The following SLX9 variants were observed in gnomAD, a reference collection of about 807,000 sequenced individuals.
The protein encoded by SLX9 is ribosome biogenesis protein SLX9 homolog.
A neutral mutation model predicts 20.8 loss-of-function variants in SLX9; 19 were observed. The observed-to-expected ratio is 0.91, with a 90% CI of 0.64 to 1.34. The LOEUF is 1.34. Ranked by LOEUF, SLX9 falls within the 40% of genes most tolerant of loss-of-function variation. The probability of loss-of-function intolerance (pLI) is 0.00; values close to 1 mark genes in which losing one functional copy is unlikely to be tolerated. For synonymous variants in SLX9, 113 were observed against 137.1 expected (o/e 0.82, Z 1.23); for missense variants, 299 against 322.2 (o/e 0.93, Z 0.55).
chr21:44,968,100 C>T (rs1008586212), intron 4 of SLX9, among the ~76,000 whole-genome samples: 1 of 152,008 alleles, frequency 6.6e-6, no homozygotes, highest in Non-Finnish European at 1.5e-5. Flanking sequence ...GGCCCCTCCA[C>T]CCCCCTGCCC....
chr21:44,966,705 G>C (rs2085041903), intron 3 of SLX9, among the ~76,000 whole-genome samples: 1 of 152,142 alleles, frequency 6.6e-6, no homozygotes, highest in African/African-American at 2.4e-5. Flanking sequence ...ATTCCCCTCT[G>C]TCCCCTCTGC....
chr21:44,948,108 G>T (rs1215495482), intron 2 of SLX9, among the ~76,000 whole-genome samples: 1 of 152,264 alleles, frequency 6.6e-6, no homozygotes, highest in African/African-American at 2.4e-5. Context: ...TGATCCTCCA[G>T]CCTTGGGCAC....
At position 44,948,300 on chromosome 21, in the gene SLX9, G is replaced by T. The variant is rs1208895667; in HGVS notation, c.283+4463G>T. ...CCGGGGAGCTGGTCGTGGAGCATCGGGCGGTCCGGGGAGCTGGTCGTGGAG... is the reference window on the plus strand; with the variant it reads ...CCGGGGAGCTGGTCGTGGAGCATCGTGCGGTCCGGGGAGCTGGTCGTGGAG... On this transcript the variant is annotated intron_variant, in intron 2 of 5. Coordinates refer to ENST00000291634, the MANE Select transcript of SLX9 (RefSeq NM_058190.4). Among the ~76,000 whole-genome samples the T allele has an allele frequency of 3.4e-5, 5 of 147,366 alleles. No individual in the cohort carries two copies. In the East Asian group the frequency reaches 7.9e-4, roughly 23 times the overall value.
At position 44,952,324 on chromosome 21, in the gene SLX9, C is replaced by T. The variant is rs184006697; in HGVS notation, c.284-7776C>T. 3.3e-3 allele frequency among the ~76,000 whole-genome samples: 509 copies of T among 152,380 alleles called. 2 individuals are homozygous for T. Among genetic ancestry groups the T allele is most frequent in the Middle Eastern group, 0.01 (3 of 294 alleles). ...CTTTTTCTATTTGCCAGACAGCAATCGGCAGCTTCCCTGGCCACTCAGGGA... is the reference window on the plus strand; with the variant it reads ...CTTTTTCTATTTGCCAGACAGCAATTGGCAGCTTCCCTGGCCACTCAGGGA... On this transcript the variant is annotated intron_variant, in intron 2 of 5. Transcript: ENST00000291634.
At chr21:44,949,313 C>T (rs1466570268) in intron 2 of SLX9, among the ~76,000 whole-genome samples, 1 of 152,090 alleles carries the variant, frequency 6.6e-6, no homozygotes, top group African/African-American at 2.4e-5. Context: ...GGGCCCTGGG[C>T]CCTGGGCCCG....
Position 44,958,931 on chromosome 21 carries a change from C to T in SLX9, c.284-1169C>T, listed in dbSNP as rs1330201135. On this transcript the variant is annotated intron_variant, in intron 2 of 5. Transcript: ENST00000291634. Reference sequence around the variant, plus strand: ...TTCCAACACAACACAGGTCACTGTTCGGGTCAGTTTCCACTGGTCTTAGAT... The same window carrying T: ...TTCCAACACAACACAGGTCACTGTTTGGGTCAGTTTCCACTGGTCTTAGAT... Among the ~76,000 whole-genome samples, 5 of 152,234 alleles carry T rather than the reference C, an allele frequency of 3.3e-5. No homozygotes were observed. The East Asian group carries it at 7.7e-4, about 23-fold the overall frequency.
At chr21:44,976,169 G>A (rs1041311748) in intron 5 of SLX9, among the ~76,000 whole-genome samples, 4 of 152,238 alleles carry the variant, frequency 2.6e-5, no homozygotes, top group Non-Finnish European at 5.9e-5. Flanking sequence ...CTGAGTGGCC[G>A]CCGGGCTGGG....
intron 3 of SLX9, among the ~76,000 whole-genome samples, chr21:44,965,536 T>C (rs2085018776): frequency 6.6e-6 from 1 of 152,202 alleles, no homozygotes; most frequent in Non-Finnish European, 1.5e-5. Context: ...GTGGTTTCAT[T>C]GTAATTTTTC....
chr21:44,967,962 A>G (rs1190220664), intron 4 of SLX9, among the ~76,000 whole-genome samples: 3 of 151,474 alleles, frequency 2.0e-5, no homozygotes, highest in African/African-American at 7.3e-5. Flanking sequence ...CCCCTGCCCC[A>G]CCCTTGGCTG....
chr21:44,948,534 C>CTCTGTTT (rs2084692605), intron 2 of SLX9, among the ~76,000 whole-genome samples: 1 of 152,204 alleles, frequency 6.6e-6, no homozygotes, highest in Admixed American at 6.5e-5. Flanking sequence ...GGGACTCAAG[C>CTCTGTTT]TCAGAGACAC....
intron 2 of SLX9, among the ~76,000 whole-genome samples, chr21:44,948,088 C>G (rs1486830238): frequency 2.0e-5 from 3 of 152,266 alleles, no homozygotes; most frequent in Admixed American, 6.5e-5. Context: ...GCCGGGTGTC[C>G]AGTGGTGGCT....
chr21:44,949,670 T>C (rs1415350391), intron 2 of SLX9, among the ~76,000 whole-genome samples: 1 of 152,192 alleles, frequency 6.6e-6, no homozygotes, highest in Non-Finnish European at 1.5e-5. Context: ...GTGTACGACC[T>C]GCTGCTGCTG....
At chr21:44,953,965 T>C (rs2084808192) in intron 2 of SLX9, among the ~76,000 whole-genome samples, 1 of 152,220 alleles carries the variant, frequency 6.6e-6, no homozygotes, top group Non-Finnish European at 1.5e-5. Context: ...TGGTTCTGTC[T>C]CTTGCTTCTC....
At chr21:44,970,430 C>T (rs748543074) in intron 4 of SLX9, among the ~76,000 whole-genome samples, 2 of 152,138 alleles carry the variant, frequency 1.3e-5, no homozygotes, top group African/African-American at 4.8e-5. Context: ...TTCCCACTGC[C>T]GAGCACCAAC....
rs754507363 is a variant in SLX9, at chr21:44,960,144, C to A, written c.328C>A (p.Leu110Met). 4.3e-6 allele frequency: 7 copies of A among 1,614,122 alleles called. No homozygotes were observed. The Admixed American group carries it at 1.2e-4, about 27-fold the overall frequency. ...TTTGCCCAAGAAGGAGAAAATGAAGCTGAGGCGTGAGCAATGGTTGCAGAG... is the reference window on the plus strand; with the variant it reads ...TTTGCCCAAGAAGGAGAAAATGAAGATGAGGCGTGAGCAATGGTTGCAGAG... ...TVLPKKEKMK[L>M]RREQWLQKIE... The change falls in exon 3 of 6, where the codon CTG becomes ATG. Residue 110 changes from leucine to methionine, a missense_variant. Transcript: ENST00000291634.
chr21:44,974,458 T>C (rs2085224801), intron 5 of SLX9, among the ~76,000 whole-genome samples: 2 of 152,272 alleles, frequency 1.3e-5, no homozygotes, highest in Admixed American at 1.3e-4. Context: ...CTAATCTATC[T>C]GTCTTCCATC....
chr21:44,962,302 G>A (rs1436833266), intron 3 of SLX9, among the ~76,000 whole-genome samples: 1 of 152,164 alleles, frequency 6.6e-6, no homozygotes, highest in Non-Finnish European at 1.5e-5. Flanking sequence ...TTCCCCGACA[G>A]TCACGCACCC....
intron 2 of SLX9, chr21:44,958,442 A>G: frequency 6.6e-6 from 1 of 152,416 alleles, no homozygotes; most frequent in Non-Finnish European, 1.5e-5. Context: ...TAGAAACCGG[A>G]GCAGCTCGAG....
chr21:44,959,868 C>G (rs1399813229), intron 2 of SLX9, among the ~76,000 whole-genome samples: 1 of 152,208 alleles, frequency 6.6e-6, no homozygotes. Flanking sequence ...GGTGAGTGGC[C>G]AGGCCATCAC....
Sources: gnomAD v4.1 joint callset for allele counts (sites outside exome capture counted in the v4.1 genomes callset) on GRCh38, gnomAD v4.1.1 for gene constraint, MANE v1.5 for transcripts, NCBI Gene and HGNC (gene_info 2026-07-23, HGNC 2026-07-21) for gene names.